ABCD3: variants seen among roughly 807,000 people sequenced by gnomAD.
ABCD3 encodes ATP-binding cassette sub-family D member 3.
A neutral mutation model predicts 105.5 loss-of-function variants in ABCD3; 41 were observed. That is an observed-to-expected ratio of 0.39 (90% confidence interval 0.30 to 0.50). ABCD3 has a LOEUF of 0.50. Among genes scored for constraint, ABCD3 ranks in the 20% least tolerant of loss-of-function variants. The pLI is 0.84. For missense variants in ABCD3, 622 were observed against 806.3 expected (o/e 0.77, Z 2.77); for synonymous variants, 258 against 269.0 (o/e 0.96, Z 0.40).
chr1:94,396,618 C>T, the ABCD3 span, among the ~76,000 whole-genome samples: 6 of 152,074 alleles, frequency 3.9e-5, no homozygotes, highest in South Asian at 2.1e-4. Context: ...TGTGCGCGCG[C>T]GCACGTGCGT....
At chr1:94,484,734 A>G (rs1396235468) in intron 10 of ABCD3, among the ~76,000 whole-genome samples, 2 of 152,214 alleles carry the variant, frequency 1.3e-5, no homozygotes, top group Non-Finnish European at 2.9e-5. Flanking sequence ...ATGCATGCAT[A>G]TGTAACAAAC....
In ABCD3 at chr1:94,499,626, G is replaced by A. The variant is rs1202508593; in HGVS notation, c.1740+12G>A. 1 of 1,613,064 alleles carries A rather than the reference G, an allele frequency of 6.2e-7. No individual in the cohort carries two copies. Among genetic ancestry groups the A allele is most frequent in the African/African-American group, 1.3e-5 (1 of 74,880 alleles). On this transcript the variant is annotated intron_variant, in intron 20 of 22. Coordinates refer to ENST00000370214, the MANE Select transcript of ABCD3 (RefSeq NM_002858.4). The stretch of plus-strand genomic sequence containing the variant: ...AGCAAAGAATGGCGGTAAGTATACT[G>A]TGAAGAAGTTGCACAAGAATGCAAC...
chr1:94,506,607 G>A lies in ABCD3; in HGVS notation c.1810G>A (p.Asp604Asn), dbSNP rs757143436. ...LDECTSAVSVDVEGYIYSHCR... is the reference protein window; with the variant it reads ...LDECTSAVSVNVEGYIYSHCR... ...TGAATGCACAAGTGCAGTTAGTGTC[G>A]ACGTGGAAGGCTACATTTATAGTCA... The change falls in exon 21 of 23, where the codon GAC becomes AAC. Residue 604 changes from aspartate (D) to asparagine (N), a missense_variant. Asp to Asn is a conservative substitution (Grantham distance 23). Transcript: ENST00000370214. 3 of 1,612,708 alleles carry A rather than the reference G, an allele frequency of 1.9e-6. No homozygotes were observed. Among genetic ancestry groups the A allele is most frequent in the Non-Finnish European group, 2.5e-6 (3 of 1,179,108 alleles).
intron 2 of ABCD3, among the ~76,000 whole-genome samples, chr1:94,464,240 G>A (rs1235620924): frequency 6.6e-6 from 1 of 152,116 alleles, no homozygotes; most frequent in African/African-American, 2.4e-5. Context: ...TGAATTGACA[G>A]ACTGTATATT....
At chr1:94,469,579 T>C (rs549125816) in intron 4 of ABCD3, among the ~76,000 whole-genome samples, 19 of 150,958 alleles carry the variant, frequency 1.3e-4, no homozygotes, top group African/African-American at 3.9e-4. Flanking sequence ...TATTGTAATA[T>C]GGTCAGACAC....
At chr1:94,411,246 G>A in the ABCD3 span, among the ~76,000 whole-genome samples, 2 of 152,158 alleles carry the variant, frequency 1.3e-5, no homozygotes. Context: ...TAAGGGTTTA[G>A]TATCCAGAAT....
intron 22 of ABCD3, among the ~76,000 whole-genome samples, chr1:94,515,942 AT>A (rs1473393695): frequency 6.6e-6 from 1 of 150,870 alleles, no homozygotes. Context: ...TGATATAGAA[AT>A]TTTAGGTAAA....
At position 94,510,147 on chromosome 1, in the gene ABCD3, A is replaced by C. The variant is rs533747546; in HGVS notation, c.1845+3505A>C. 1.1e-3 allele frequency among the ~76,000 whole-genome samples: 167 copies of C among 152,182 alleles called. 1 individual carries two copies. Among genetic ancestry groups the C allele is most frequent in the African/African-American group, 3.6e-3 (151 of 41,530 alleles). On this transcript the variant is annotated intron_variant, in intron 21 of 22. Coordinates refer to ENST00000370214, the MANE Select transcript of ABCD3 (RefSeq NM_002858.4). The stretch of plus-strand genomic sequence containing the variant: ...CATTTAGTGCTATAAATTTCCCTCT[A>C]CACACTGCTTTGAATGCGTCCCAGA...
At chr1:94,466,343 C>G (rs912396041) in intron 3 of ABCD3, among the ~76,000 whole-genome samples, 3 of 152,138 alleles carry the variant, frequency 2.0e-5, no homozygotes, top group African/African-American at 7.2e-5. Flanking sequence ...CTACTGTTCT[C>G]ACTATATCTT....
At chr1:94,434,621 T>C (rs1035899435) in intron 1 of ABCD3, among the ~76,000 whole-genome samples, 1 of 152,212 alleles carries the variant, frequency 6.6e-6, no homozygotes, top group African/African-American at 2.4e-5. Flanking sequence ...TATGCATTTT[T>C]CACTGAAATG....
chr1:94,430,439 G>C (rs1407961540), intron 1 of ABCD3, among the ~76,000 whole-genome samples: 1 of 152,168 alleles, frequency 6.6e-6, no homozygotes, highest in African/African-American at 2.4e-5. Flanking sequence ...AATTCCCAGT[G>C]TTGTAGGAGG....
the ABCD3 span, among the ~76,000 whole-genome samples, chr1:94,386,204 G>C: frequency 1.3e-5 from 2 of 152,228 alleles, no homozygotes. Context: ...ATGGGTAGAA[G>C]GGTGGTGGGA....
chr1:94,402,562 T>A, the ABCD3 span, among the ~76,000 whole-genome samples: 7 of 152,162 alleles, frequency 4.6e-5, no homozygotes, highest in African/African-American at 1.7e-4. Flanking sequence ...TCAGCAAATG[T>A]AACATTGATA....
intron 1 of ABCD3, among the ~76,000 whole-genome samples, chr1:94,442,086 G>T (rs986234870): frequency 2.0e-5 from 3 of 152,182 alleles, no homozygotes; most frequent in Non-Finnish European, 2.9e-5. Context: ...AAAAATGCAT[G>T]TGTGTGTATA....
intron 21 of ABCD3, chr1:94,514,875 A>G: frequency 2.5e-6 from 1 of 397,434 alleles, no homozygotes; most frequent in Non-Finnish European, 4.6e-6. Context: ...ATTTTTCACA[A>G]TAAAATAGGA....
chr1:94,466,995 T>A (rs1188334098), intron 3 of ABCD3, among the ~76,000 whole-genome samples: 1 of 152,184 alleles, frequency 6.6e-6, no homozygotes, highest in Non-Finnish European at 1.5e-5. Context: ...GTGGCAGGAT[T>A]CTCATCTCAC....
intron 1 of ABCD3, among the ~76,000 whole-genome samples, chr1:94,449,197 C>T (rs1660472021): frequency 6.6e-6 from 1 of 152,196 alleles, no homozygotes; most frequent in African/African-American, 2.4e-5. Flanking sequence ...GGAAGAGATT[C>T]TGGGAGGATC....
At chr1:94,503,443 A>G (rs1285958691) in intron 20 of ABCD3, among the ~76,000 whole-genome samples, 5 of 152,052 alleles carry the variant, frequency 3.3e-5, no homozygotes, top group African/African-American at 4.8e-5. Context: ...ACTTCCATCT[A>G]TGTTTATGGA....
intron 8 of ABCD3, 108 bp downstream of exon 8, chr1:94,478,423 G>A: frequency 8.7e-7 from 1 of 1,147,882 alleles, no homozygotes; most frequent in Non-Finnish European, 1.3e-6. Flanking sequence ...CTCAAAGAAT[G>A]TATTTTCACA....
Sources: allele counts gnomAD v4.1 joint callset (sites outside exome capture counted in the v4.1 genomes callset), GRCh38; gene constraint gnomAD v4.1.1; transcripts MANE v1.5; gene names NCBI Gene and HGNC (gene_info 2026-07-23, HGNC 2026-07-21).